The following CTNNA2 variants were observed in gnomAD, a reference collection of about 807,000 sequenced individuals.
The protein encoded by CTNNA2 is catenin alpha 2.
In CTNNA2, 42 loss-of-function variants were observed where a neutral mutation model predicts 101.0. The ratio of observed to expected loss-of-function variants is 0.42; its 90% CI spans 0.32 to 0.54. CTNNA2 has a LOEUF of 0.54. Ranked by LOEUF, CTNNA2 falls within the 20% of genes least tolerant of loss-of-function variation. CTNNA2 has a pLI of 0.14. For missense variants in CTNNA2, 871 were observed against 1,223.1 expected (o/e 0.71, Z 4.29); for synonymous variants, 450 against 456.4 (o/e 0.99, Z 0.18).
chr2:79,373,786 C>T, intron 3 of CTNNA2: 1 of 152,118 alleles, frequency 6.6e-6, no homozygotes, highest in Non-Finnish European at 1.5e-5. Flanking sequence ...ATATTTAATT[C>T]TCACAATAAC....
At chr2:80,232,341 G>GTTGTTTTTTTTTTTTTTTTTTTTTT (rs1709276642) in intron 7 of CTNNA2, among the ~76,000 whole-genome samples, 1 of 82,064 alleles carries the variant, frequency 1.2e-5, no homozygotes, top group African/African-American at 3.3e-5. Flanking sequence ...TTGTTTGTTT[G>GTTGTTTTTTTTTTTTTTTTTTTTTT]TTTGTTTTTT....
chr2:80,360,084 G>A (rs1573835912), intron 7 of CTNNA2, among the ~76,000 whole-genome samples: 1 of 152,010 alleles, frequency 6.6e-6, no homozygotes, highest in Non-Finnish European at 1.5e-5. Context: ...AGTTTCTAAT[G>A]TAGTGGTCTT....
chr2:80,149,659 T>A (rs1051365001), intron 7 of CTNNA2, among the ~76,000 whole-genome samples: 2 of 152,086 alleles, frequency 1.3e-5, no homozygotes, highest in African/African-American at 2.4e-5. Context: ...ACTAAGGAGA[T>A]TGCCTGTGTA....
intron 7 of CTNNA2, among the ~76,000 whole-genome samples, chr2:80,003,392 T>C (rs138634478): frequency 7.2e-5 from 11 of 152,280 alleles, no homozygotes; most frequent in African/African-American, 2.6e-4. Flanking sequence ...ACAGTATCCC[T>C]GGAAGGTAGA....
At chr2:79,970,441 G>A (rs559153889) in intron 7 of CTNNA2, among the ~76,000 whole-genome samples, 1 of 152,172 alleles carries the variant, frequency 6.6e-6, no homozygotes, top group South Asian at 2.1e-4. Context: ...CTAGAATACT[G>A]TACCTATTCT....
chr2:79,368,664 G>A (rs1364333741), intron 3 of CTNNA2, among the ~76,000 whole-genome samples: 1 of 152,162 alleles, frequency 6.6e-6, no homozygotes, highest in Non-Finnish European at 1.5e-5. Context: ...GCTTATTAGA[G>A]TGGGAGGTGG....
At chr2:80,277,111 T>C (rs1486565580) in intron 7 of CTNNA2, among the ~76,000 whole-genome samples, 1 of 152,150 alleles carries the variant, frequency 6.6e-6, no homozygotes, top group Non-Finnish European at 1.5e-5. Context: ...AAATTTAAGA[T>C]TATAGATTCC....
intron 7 of CTNNA2, among the ~76,000 whole-genome samples, chr2:80,172,173 G>A (rs1573294753): frequency 1.3e-5 from 2 of 152,146 alleles, no homozygotes; most frequent in East Asian, 3.9e-4. Flanking sequence ...GCACTAAAAT[G>A]ATTTGGCTAT....
At chr2:79,410,813 A>C (rs1411219530) in intron 4 of CTNNA2, among the ~76,000 whole-genome samples, 1 of 151,542 alleles carries the variant, frequency 6.6e-6, no homozygotes, top group Non-Finnish European at 1.5e-5. Flanking sequence ...TGCTGGCCTC[A>C]TAAAATGAGT....
intron 2 of CTNNA2, among the ~76,000 whole-genome samples, chr2:79,289,444 G>A (rs546924806): frequency 6.6e-6 from 1 of 152,062 alleles, no homozygotes; most frequent in Admixed American, 6.5e-5. Flanking sequence ...ACGAGTGGTG[G>A]GCTAATGAGT....
intron 7 of CTNNA2, among the ~76,000 whole-genome samples, chr2:80,284,972 C>T (rs1192580491): frequency 6.6e-6 from 1 of 152,146 alleles, no homozygotes; most frequent in Admixed American, 6.5e-5. Context: ...TCACTTAGTC[C>T]TAGTGTTTGT....
At chr2:80,086,042 A>G (rs968315514) in intron 7 of CTNNA2, among the ~76,000 whole-genome samples, 6 of 152,086 alleles carry the variant, frequency 3.9e-5, no homozygotes, top group African/African-American at 1.2e-4. Flanking sequence ...ACTTGAAATC[A>G]GTGATTCTAA....
At chr2:79,809,744 C>T (rs1348351107) in intron 3 of CTNNA2, among the ~76,000 whole-genome samples, 3 of 152,188 alleles carry the variant, frequency 2.0e-5, no homozygotes, top group Non-Finnish European at 1.5e-5. Flanking sequence ...TTGCCTATCA[C>T]TCTGATGATA....
intron 9 of CTNNA2, among the ~76,000 whole-genome samples, chr2:80,544,497 T>C (rs1409018080): frequency 1.3e-5 from 2 of 152,098 alleles, no homozygotes; most frequent in Admixed American, 6.5e-5. Context: ...TGGCTATTAG[T>C]GGACTAAAAT....
At chr2:80,259,369 C>T (rs1474053539) in intron 7 of CTNNA2, among the ~76,000 whole-genome samples, 1 of 152,180 alleles carries the variant, frequency 6.6e-6, no homozygotes, top group Non-Finnish European at 1.5e-5. Flanking sequence ...TTGACATCTG[C>T]AAGGCCAAAC....
At chr2:80,380,692 C>T (rs1676440093) in intron 7 of CTNNA2, among the ~76,000 whole-genome samples, 1 of 152,174 alleles carries the variant, frequency 6.6e-6, no homozygotes, top group South Asian at 2.1e-4. Flanking sequence ...TTACAATGCA[C>T]TTCTTAAAAT....
chr2:79,260,354 G>C (rs1340811567), intron 2 of CTNNA2, among the ~76,000 whole-genome samples: 1 of 152,124 alleles, frequency 6.6e-6, no homozygotes, highest in South Asian at 2.1e-4. Flanking sequence ...AAATCAATGG[G>C]TGCTGTAATC....
At chr2:79,450,853 A>G (rs567700196) in intron 4 of CTNNA2, among the ~76,000 whole-genome samples, 1 of 152,134 alleles carries the variant, frequency 6.6e-6, no homozygotes. Flanking sequence ...AAACAAGATA[A>G]TTATTATCCA....
intron 6 of CTNNA2, among the ~76,000 whole-genome samples, chr2:79,906,193 T>C (rs1012448224): frequency 6.6e-6 from 1 of 151,920 alleles, no homozygotes; most frequent in African/African-American, 2.4e-5. Flanking sequence ...GACCCATTCA[T>C]AGATTCATAA....
Sources: gnomAD v4.1 joint callset for allele counts (sites outside exome capture counted in the v4.1 genomes callset) on GRCh38, gnomAD v4.1.1 for gene constraint, MANE v1.5 for transcripts, NCBI Gene and HGNC (gene_info 2026-07-23, HGNC 2026-07-21) for gene names.